WDR91: variants seen among roughly 807,000 people sequenced by gnomAD.
The protein encoded by WDR91 is WD repeat domain 91, also known as WD repeat-containing protein 91.
Under a neutral mutation model 88.4 loss-of-function variants are expected in WDR91, and 52 were observed. The observed-to-expected ratio is 0.59, with a 90% CI of 0.47 to 0.74. The LOEUF is 0.74. Ranked by LOEUF, WDR91 falls within the 30% of genes least tolerant of loss-of-function variation. The pLI is 0.00. For synonymous variants in WDR91, 362 were observed against 389.5 expected (o/e 0.93, Z 0.83); for missense variants, 824 against 954.5 (o/e 0.86, Z 1.80).
intron 12 of WDR91, 61 bp downstream of exon 12, chr7:135,189,283 C>T: frequency 6.6e-7 from 1 of 1,519,536 alleles, no homozygotes; most frequent in Non-Finnish European, 9.0e-7. Flanking sequence ...CCAACGTCGG[C>T]AAAAAAAATT....
At chr7:135,207,263 T>C in intron 3 of WDR91, 61 bp from the exon 4 acceptor site, 3 of 1,410,150 alleles carry the variant, frequency 2.1e-6, no homozygotes, top group Non-Finnish European at 3.0e-6. Flanking sequence ...CCCAAACCCT[T>C]GACACACCAG....
intron 1 of WDR91, 126 bp downstream of exon 1, chr7:135,211,254 T>C (rs1301591832): frequency 9.3e-6 from 13 of 1,402,752 alleles, no homozygotes; most frequent in South Asian, 7.5e-5. Context: ...TCGGACGCGC[T>C]GAGGTCTCCG....
At chr7:135,207,955 G>A (rs1831864276) in intron 3 of WDR91, among the ~76,000 whole-genome samples, 1 of 152,204 alleles carries the variant, frequency 6.6e-6, no homozygotes, top group South Asian at 2.1e-4. Flanking sequence ...GGGAACAACG[G>A]GGAAGAAACA....
At position 135,209,648 on chromosome 7, in the gene WDR91, C is replaced by T. The variant is rs573973371; in HGVS notation, c.231G>A (p.Glu77=). 36 of 1,613,398 alleles carry T rather than the reference C, an allele frequency of 2.2e-5. No homozygotes were observed. Among genetic ancestry groups the T allele is most frequent in the Non-Finnish European group, 3.1e-5 (36 of 1,179,740 alleles). ...YLERRLFSRL[E]DIYRPTIHKL... is the part of the protein sequence containing the mutation. ...TGTGGATTGTGGGTCTGTATATATC[C>T]TCCAAGCGGCTGAAGAGCCGACGCT... Residue 77 remains glutamate, a synonymous_variant, in exon 2 of 15, where the codon GAG becomes GAA. Coordinates refer to ENST00000354475, the MANE Select transcript of WDR91 (RefSeq NM_014149.4).
chr7:135,207,086 TACTTCCTC>T, intron 4 of WDR91, 26 bp downstream of exon 4: 1 of 1,571,796 alleles, frequency 6.4e-7, no homozygotes, highest in South Asian at 1.1e-5. Flanking sequence ...AAAGCAGAAG[TACTTCCTC>T]AGGAGCAAGC....
intron 12 of WDR91, among the ~76,000 whole-genome samples, 183 bp downstream of exon 12, chr7:135,189,161 G>T (rs1380173226): frequency 6.6e-6 from 1 of 152,188 alleles, no homozygotes; most frequent in Non-Finnish European, 1.5e-5. Flanking sequence ...CACTAACTAT[G>T]GGCGAGTTTA....
intron 11 of WDR91, 145 bp from the exon 12 acceptor site, chr7:135,189,597 C>A (rs561257558): frequency 1.5e-5 from 9 of 614,572 alleles, no homozygotes; most frequent in Non-Finnish European, 2.2e-5. Context: ...TGAGCCTTTG[C>A]CAAAGTGCTG....
At chr7:135,208,745 G>A in intron 3 of WDR91, 46 bp downstream of exon 3, 1 of 1,504,604 alleles carries the variant, frequency 6.6e-7, no homozygotes, top group Non-Finnish European at 9.0e-7. Flanking sequence ...CCTGAGGTCT[G>A]GGTGCCTCAG....
In WDR91 at chr7:135,188,540, G is replaced by T; in HGVS notation, c.1774C>A (p.Gln592Lys). ...ADGVIRLFDMQQHECAMSWRA... is the reference protein window; with the variant it reads ...ADGVIRLFDMKQHECAMSWRA... ...CAGCTCATCGCGCACTCATGCTGCTGCATGTCTGAGGCAATGAGACACGGC... is the reference window on the plus strand; with the variant it reads ...CAGCTCATCGCGCACTCATGCTGCTTCATGTCTGAGGCAATGAGACACGGC... The change falls in exon 13 of 15, where the codon CAG becomes AAG. Residue 592 changes from glutamine (Q) to lysine (K), a missense_variant. Coordinates refer to ENST00000354475, the MANE Select transcript of WDR91 (RefSeq NM_014149.4). 1 of 1,613,054 alleles carries T rather than the reference G, an allele frequency of 6.2e-7. No individual in the cohort carries two copies. The highest frequency in any genetic ancestry group is 8.5e-7 in the Non-Finnish European group (1 of 1,179,780).
At chr7:135,193,962 T>C (rs970174522) in intron 9 of WDR91, 8 of 354,688 alleles carry the variant, frequency 2.3e-5, no homozygotes, top group Non-Finnish European at 4.2e-5. Context: ...AATGAGGCCC[T>C]CTGATCCTCC....
chr7:135,189,691 T>C (rs1021213475), intron 11 of WDR91, among the ~76,000 whole-genome samples: 36 of 152,356 alleles, frequency 2.4e-4, no homozygotes, highest in African/African-American at 7.7e-4. Flanking sequence ...TGATAATCCA[T>C]GCTTGCTCCA....
rs1418686455 is a variant in WDR91, at chr7:135,198,449, G to C, written c.892-298C>G. ...AACAATTTAGTCTAGTTGAGGGGAA[G>C]GAGCCAGCACTTACTAAGTGATGAC... On this transcript the variant is annotated intron_variant, in intron 6 of 14. Coordinates refer to ENST00000354475, the MANE Select transcript of WDR91 (RefSeq NM_014149.4). The C allele has an allele frequency of 2.4e-5, 8 of 335,220 alleles. No individual in the cohort carries two copies. In the East Asian group the frequency reaches 4.1e-4, roughly 17 times the overall value. The allele number at this position is 335,220 out of a possible 1,614,324, so 20.8% of individuals were successfully genotyped here.
Position 135,204,403 on chromosome 7 carries a change from G to A in WDR91, c.756C>T (p.Ser252=), listed in dbSNP as rs144382036. 152 of 1,614,176 alleles carry A rather than the reference G, an allele frequency of 9.4e-5. No homozygotes were observed. The highest frequency in any genetic ancestry group is 1.2e-4 in the Non-Finnish European group (146 of 1,180,040). The stretch of plus-strand genomic sequence containing the variant: ...AGCCCACACGAGGTGACTGGGAGAG[G>A]GAGGCATTCCTTTGGCTGCACACCA... ...LAMVCSQRNA[S]LSQSPRVGFL... is the part of the protein sequence containing the mutation. The change falls in exon 6 of 15, where the codon TCC becomes TCT. Residue 252 remains serine (S), a synonymous_variant. Transcript: ENST00000354475.
rs1422558934 is a variant in WDR91, at chr7:135,196,681, CTGAG to C, written c.1051-348_1051-345del. Among the ~76,000 whole-genome samples, 1 of 152,168 alleles carries C rather than the reference CTGAG, an allele frequency of 6.6e-6. No homozygotes were observed. The highest frequency in any genetic ancestry group is 1.9e-4 in the East Asian group (1 of 5,190). ...TGCGTGGTGCAGGCCACACACCGCGCTGAGTATTTTACAGATTTCTCTCATTTAG... is the reference window on the plus strand; with the variant it reads ...TGCGTGGTGCAGGCCACACACCGCGCTATTTTACAGATTTCTCTCATTTAG... On this transcript the variant is annotated intron_variant, in intron 7 of 14. Transcript: ENST00000354475. This position sits in a 1 kb window ranked among gnomAD's most constrained non-coding sequence, Gnocchi z 4.2.
intron 3 of WDR91, among the ~76,000 whole-genome samples, chr7:135,207,641 G>A (rs1416150657): frequency 1.3e-5 from 2 of 152,328 alleles, no homozygotes; most frequent in East Asian, 3.9e-4. Flanking sequence ...AGTTGGCTTC[G>A]CCTCCCCAGG....
Position 135,207,208 on chromosome 7 carries a change from C to T in WDR91, c.512-6G>A, listed in dbSNP as rs754672994. 1.1e-5 allele frequency: 17 copies of T among 1,602,508 alleles called. No homozygotes were observed. In the Admixed American group the frequency reaches 2.2e-4, roughly 21 times the overall value. ...GTTCAGGATCACAGGGACTGGTGCA[C>T]GAAGTTAAAGAATAAGCCAGCCCCT... On this transcript the variant is annotated splice_region_variant and splice_polypyrimidine_tract_variant and intron_variant, in intron 3 of 14. Transcript: ENST00000354475.
intron 6 of WDR91, among the ~76,000 whole-genome samples, chr7:135,201,904 G>A (rs1831586748): frequency 6.6e-6 from 1 of 152,128 alleles, no homozygotes; most frequent in Admixed American, 6.6e-5. Flanking sequence ...TTGTAATAGC[G>A]GGATTGAAAC....
At chr7:135,187,943 C>T (rs1424005549) in intron 13 of WDR91, among the ~76,000 whole-genome samples, 1 of 152,232 alleles carries the variant, frequency 6.6e-6, no homozygotes, top group Non-Finnish European at 1.5e-5. Flanking sequence ...TCTGCCCCTG[C>T]CAGCTCCCCC....
At chr7:135,193,764 G>C (rs1831263072) in intron 9 of WDR91, 92 bp from the exon 10 acceptor site, 1 of 1,060,266 alleles carries the variant, frequency 9.4e-7, no homozygotes, top group Non-Finnish European at 1.4e-6. Context: ...TGGGCAGGCT[G>C]TGGGGGTGAG....
Sources: allele counts gnomAD v4.1 joint callset (sites outside exome capture counted in the v4.1 genomes callset), GRCh38; gene constraint gnomAD v4.1.1; non-coding constraint Gnocchi (gnomAD v3.1); transcripts MANE v1.5; gene names NCBI Gene and HGNC (gene_info 2026-07-23, HGNC 2026-07-21).